The following PRKN variants were observed in gnomAD, a reference collection of about 807,000 sequenced individuals.
PRKN encodes the protein E3 ubiquitin-protein ligase parkin.
In PRKN, 56 loss-of-function variants were observed where a neutral mutation model predicts 59.5. The observed-to-expected ratio is 0.94, with a 90% confidence interval of 0.76 to 1.18. The LOEUF is 1.18. PRKN is among the 50% of genes most tolerant of loss of function. PRKN has a pLI of 0.00. For missense variants in PRKN, 657 were observed against 596.4 expected (o/e 1.10, Z -1.06); for synonymous variants, 250 against 222.1 (o/e 1.13, Z -1.12).
intron 1 of PRKN, among the ~76,000 whole-genome samples, chr6:162,556,794 G>C (rs1024285908): frequency 6.7e-5 from 10 of 149,600 alleles, no homozygotes; most frequent in Admixed American, 5.3e-4. Context: ...TAGAACAGGA[G>C]AATGCAAGTG....
intron 7 of PRKN, among the ~76,000 whole-genome samples, chr6:161,777,115 A>C (rs1473079539): frequency 6.6e-6 from 1 of 152,162 alleles, no homozygotes; most frequent in Non-Finnish European, 1.5e-5. Context: ...CCATTCCTTC[A>C]TTTATAAAAA....
chr6:161,605,039 T>C (rs1390239132), intron 7 of PRKN, among the ~76,000 whole-genome samples: 1 of 152,224 alleles, frequency 6.6e-6, no homozygotes, highest in Non-Finnish European at 1.5e-5. Flanking sequence ...AAAAATAACA[T>C]AAATTAGAAT....
intron 1 of PRKN, among the ~76,000 whole-genome samples, chr6:162,643,202 A>G (rs754412282): frequency 6.6e-6 from 1 of 152,020 alleles, no homozygotes; most frequent in Admixed American, 6.6e-5. Flanking sequence ...GTTTGAGACT[A>G]GCCTGGGCAA....
At chr6:162,433,587 T>C (rs1027940479) in intron 2 of PRKN, among the ~76,000 whole-genome samples, 7 of 152,138 alleles carry the variant, frequency 4.6e-5, no homozygotes, top group African/African-American at 1.7e-4. Flanking sequence ...GACTCCAAGG[T>C]ACAAAACAGG....
chr6:162,620,247 T>C (rs554705228), intron 1 of PRKN, among the ~76,000 whole-genome samples: 1 of 152,278 alleles, frequency 6.6e-6, no homozygotes, highest in East Asian at 1.9e-4. Flanking sequence ...TGTTGACTTA[T>C]CAACCTTAAG....
intron 2 of PRKN, among the ~76,000 whole-genome samples, chr6:162,268,026 A>G (rs1349511652): frequency 6.6e-6 from 1 of 152,202 alleles, no homozygotes; most frequent in Admixed American, 6.6e-5. Flanking sequence ...ACAATACCAC[A>G]TTATTAATAC....
chr6:161,476,030 C>CA (rs1170044118), intron 9 of PRKN, among the ~76,000 whole-genome samples: 11 of 151,700 alleles, frequency 7.3e-5, no homozygotes, highest in East Asian at 2.0e-4. Context: ...ACTAAAAATA[C>CA]AAAAAAATTA....
chr6:162,362,516 TA>T (rs1785196065), intron 2 of PRKN, among the ~76,000 whole-genome samples: 1 of 152,158 alleles, frequency 6.6e-6, no homozygotes, highest in Non-Finnish European at 1.5e-5. Flanking sequence ...CTATTTGAAT[TA>T]AAATTGAATA....
chr6:162,487,603 A>T (rs1792606510), intron 1 of PRKN, among the ~76,000 whole-genome samples: 1 of 152,222 alleles, frequency 6.6e-6, no homozygotes, highest in Non-Finnish European at 1.5e-5. Context: ...CCTGGCAAAA[A>T]GCTTCACTAA....
intron 6 of PRKN, among the ~76,000 whole-genome samples, chr6:161,918,876 G>A (rs1033104319): frequency 1.3e-5 from 2 of 152,044 alleles, no homozygotes; most frequent in Non-Finnish European, 2.9e-5. Context: ...ATCTAGTGTC[G>A]GTGAGGAAGT....
At chr6:162,404,319 G>A (rs137914617) in intron 2 of PRKN, among the ~76,000 whole-genome samples, 2,800 of 150,376 alleles carry the variant, frequency 0.019, 89 homozygotes, top group African/African-American at 0.065. Context: ...GCAGTGAGCC[G>A]AGATCGCACG....
chr6:162,610,424 A>G (rs1782099387), intron 1 of PRKN, among the ~76,000 whole-genome samples: 1 of 152,240 alleles, frequency 6.6e-6, no homozygotes, highest in African/African-American at 2.4e-5. Context: ...CTACGCTGTT[A>G]GAGGTCACTA....
intron 2 of PRKN, among the ~76,000 whole-genome samples, chr6:162,320,419 CAA>C (rs201106625): frequency 1.6e-3 from 67 of 42,714 alleles, no homozygotes; most frequent in African/African-American, 3.3e-3. Flanking sequence ...CAAAAAAAAC[CAA>C]AAAAAAAAAA....
At chr6:162,115,953 T>G (rs1187671492) in intron 4 of PRKN, among the ~76,000 whole-genome samples, 1 of 152,228 alleles carries the variant, frequency 6.6e-6, no homozygotes, top group East Asian at 1.9e-4. Flanking sequence ...AATCCAGAGA[T>G]GTTTTACTTC....
intron 1 of PRKN, among the ~76,000 whole-genome samples, chr6:162,610,417 C>T (rs985297877): frequency 1.3e-5 from 2 of 152,196 alleles, no homozygotes; most frequent in Non-Finnish European, 2.9e-5. Context: ...TGTGCTGCTA[C>T]GCTGTTAGAG....
chr6:161,380,323 C>T (rs1191265917), intron 10 of PRKN, among the ~76,000 whole-genome samples: 2 of 152,112 alleles, frequency 1.3e-5, no homozygotes, highest in African/African-American at 4.8e-5. Context: ...CTCTCTCGTG[C>T]CTCTTAGCAT....
At chr6:162,721,513 ATTCTC>A (rs1168044597) in intron 1 of PRKN, among the ~76,000 whole-genome samples, 1 of 151,676 alleles carries the variant, frequency 6.6e-6, no homozygotes, top group Non-Finnish European at 1.5e-5. Flanking sequence ...CTTTCATTCT[ATTCTC>A]TTCTCTCCCC....
chr6:162,070,473 T>C (rs1469946868), intron 4 of PRKN, among the ~76,000 whole-genome samples: 1 of 152,158 alleles, frequency 6.6e-6, no homozygotes, highest in Non-Finnish European at 1.5e-5. Context: ...TGGTTTCTTT[T>C]CAACGTGGCT....
chr6:162,660,484 T>TA (rs906544940), intron 1 of PRKN, among the ~76,000 whole-genome samples: 1 of 152,188 alleles, frequency 6.6e-6, no homozygotes, highest in Non-Finnish European at 1.5e-5. Context: ...TCCTTCAAAA[T>TA]AAAAAACACA....
Sources: gnomAD v4.1 joint callset for allele counts (sites outside exome capture counted in the v4.1 genomes callset) on GRCh38, gnomAD v4.1.1 for gene constraint, MANE v1.5 for transcripts, NCBI Gene and HGNC (gene_info 2026-07-23, HGNC 2026-07-21) for gene names.